ISL2: variants seen among roughly 807,000 people sequenced by gnomAD.
ISL2 encodes the protein insulin gene enhancer protein ISL-2.
Under a neutral mutation model 34.6 loss-of-function variants are expected in ISL2, and 17 were observed. The ratio of observed to expected loss-of-function variants is 0.49; its 90% CI spans 0.34 to 0.74. ISL2 has a LOEUF of 0.74. Ranked by LOEUF, ISL2 falls within the 30% of genes least tolerant of loss-of-function variation. The probability of loss-of-function intolerance (pLI) is 0.01; values close to 1 mark genes in which losing one functional copy is unlikely to be tolerated. For synonymous variants in ISL2, 232 were observed against 225.5 expected (o/e 1.03, Z -0.26); for missense variants, 469 against 515.2 (o/e 0.91, Z 0.87).
At chr15:76,341,665 C>T in intron 5 of ISL2, 54 bp from the exon 6 acceptor site, 10 of 1,308,186 alleles carry the variant, frequency 7.6e-6, no homozygotes, top group Non-Finnish European at 1.0e-5. Context: ...GGCCCTGGAG[C>T]ACCAGCTCGC....
chr15:76,337,773 G>A lies in ISL2; in HGVS notation c.59-5G>A, dbSNP rs759144157. 1.9e-6 allele frequency: 3 copies of A among 1,580,416 alleles called. No homozygotes were observed. Among genetic ancestry groups the A allele is most frequent in the Non-Finnish European group, 1.7e-6 (2 of 1,160,158 alleles). ...CTGACGCGGCCCCGCGCCCTTCCCC[G>A]GCAGAGAAGCCCGGGACGGCCATGT... On this transcript the variant is annotated splice_polypyrimidine_tract_variant and splice_region_variant and intron_variant, in intron 1 of 5. Coordinates refer to ENST00000290759, the MANE Select transcript of ISL2 (RefSeq NM_145805.3).
chr15:76,339,815 C>T lies in ISL2; in HGVS notation c.512-461C>T, dbSNP rs1371048083. 3.0e-6 allele frequency: 3 copies of T among 997,044 alleles called. No homozygotes were observed. The South Asian group carries it at 1.3e-4, about 45-fold the overall frequency. The allele number at this position is 997,044 out of a possible 1,614,324, so 61.8% of individuals were successfully genotyped here. ...GGCCCTCGTAGGCCCCCGGCATATT[C>T]GCACCTCCCACCCAGTCCCCTGGGC... On this transcript the variant is annotated intron_variant, in intron 3 of 5. Transcript: ENST00000290759.
At chr15:76,340,613 G>C (rs2040186649) in intron 4 of ISL2, 54 bp downstream of exon 4, 1 of 1,537,756 alleles carries the variant, frequency 6.5e-7, no homozygotes. Context: ...CGCTTCCGCC[G>C]CGGTATCTGC....
chr15:76,339,356 C>T, intron 3 of ISL2: 1 of 985,274 alleles, frequency 1.0e-6, no homozygotes, highest in Non-Finnish European at 1.2e-6. Context: ...TTTGTCCAGA[C>T]CTAGAAATTC....
intron 5 of ISL2, among the ~76,000 whole-genome samples, 194 bp from the exon 6 acceptor site, chr15:76,341,525 A>T (rs2040194182): frequency 6.6e-6 from 1 of 152,202 alleles, no homozygotes; most frequent in Non-Finnish European, 1.5e-5. Flanking sequence ...GAGAGGTCGC[A>T]GGATTAACCA....
At chr15:76,339,505 T>C (rs988099607) in intron 3 of ISL2, 22 of 985,408 alleles carry the variant, frequency 2.2e-5, no homozygotes, top group Non-Finnish European at 2.4e-5. Flanking sequence ...TCCCCTTTGT[T>C]TGTTTCGGGC....
At chr15:76,339,012 C>A in intron 3 of ISL2, 1 of 985,344 alleles carries the variant, frequency 1.0e-6, no homozygotes, top group Non-Finnish European at 1.2e-6. Context: ...TGTTTTGAGG[C>A]CCAGTTTGAT....
chr15:76,341,235 G>A lies in ISL2; in HGVS notation c.897G>A (p.Pro299=). 3 of 1,611,400 alleles carry A rather than the reference G, an allele frequency of 1.9e-6. No individual in the cohort carries two copies. The highest frequency in any genetic ancestry group is 2.5e-6 in the Non-Finnish European group (3 of 1,179,254). ...CAGTGGAGGTGCAGACGTACCAGCC[G>A]CCGTGGAAGGCGCTCAGCGAGTTTG... The part of the protein sequence containing the change: ...GSAVEVQTYQ[P]PWKALSEFAL... Residue 299 remains proline (P), a synonymous_variant, in exon 5 of 6, where the codon CCG becomes CCA. Coordinates refer to ENST00000290759, the MANE Select transcript of ISL2 (RefSeq NM_145805.3).
chr15:76,341,767 G>A lies in ISL2; in HGVS notation c.1012G>A (p.Val338Met). The change falls in exon 6 of 6, where the codon GTG becomes ATG. Residue 338 changes from valine to methionine, a missense_variant. Val to Met is a conservative substitution (Grantham distance 21, BLOSUM62 1). This residue lies in a region of ISL2 where 169 missense variants were observed against 154.2 expected (regional missense o/e 1.10). Transcript: ENST00000290759. ...CCTAGGCAACTCCTCCGGCAGCGAC[G>A]TGACCTCCCTGTCCTCGCAGCTCCC... The part of the protein sequence containing the change: ...GSLGNSSGSD[V>M]TSLSSQLPDT... 3 of 1,613,994 alleles carry A rather than the reference G, an allele frequency of 1.9e-6. No individual in the cohort carries two copies. Among genetic ancestry groups the A allele is most frequent in the African/African-American group, 1.3e-5 (1 of 75,050 alleles).
At chr15:76,337,576 G>A in intron 1 of ISL2, 1 of 475,278 alleles carries the variant, frequency 2.1e-6, no homozygotes, top group Non-Finnish European at 3.7e-6. Flanking sequence ...GGGGACAGAA[G>A]AAACCTTCAG....
At chr15:76,340,593 G>GT (rs771111695) in intron 4 of ISL2, 34 bp downstream of exon 4, 1 of 1,582,510 alleles carries the variant, frequency 6.3e-7, no homozygotes, top group Non-Finnish European at 8.6e-7. Context: ...CTCGAGTCGG[G>GT]TGGGGGCTGC....
intron 1 of ISL2, chr15:76,337,571 C>G (rs756011042): frequency 2.1e-5 from 10 of 469,790 alleles, no homozygotes; most frequent in Non-Finnish European, 3.4e-5. Flanking sequence ...GGGTGGGGGA[C>G]AGAAGAAACC....
chr15:76,341,412 A>T, intron 5 of ISL2, 111 bp downstream of exon 5: 1 of 713,888 alleles, frequency 1.4e-6, no homozygotes, highest in Non-Finnish European at 2.2e-6. Context: ...GGCTGGGTAC[A>T]GCCCTAGGCG....
Position 76,337,987 on chromosome 15 carries a change from G to T in ISL2, c.248+20G>T. 1 of 1,539,486 alleles carries T rather than the reference G, an allele frequency of 6.5e-7. No homozygotes were observed. The highest frequency in any genetic ancestry group is 8.8e-7 in the Non-Finnish European group (1 of 1,139,620). On this transcript the variant is annotated intron_variant, in intron 2 of 5. Transcript: ENST00000290759. ...TGTCAGGTGAGGCCGGCGGGAACGCGGGCTGGGCCACCGCGCGCAGGGGCC... is the reference window on the plus strand; with the variant it reads ...TGTCAGGTGAGGCCGGCGGGAACGCTGGCTGGGCCACCGCGCGCAGGGGCC...
Position 76,342,186 on chromosome 15 carries a change from A to C in ISL2, c.*351A>C. 5.5e-6 allele frequency: 1 copy of C among 183,096 alleles called. No individual in the cohort carries two copies. Among genetic ancestry groups the C allele is most frequent in the South Asian group, 1.7e-4 (1 of 5,894 alleles). The allele number at this position is 183,096 out of a possible 1,614,324, so 11.3% of individuals were successfully genotyped here. The stretch of plus-strand genomic sequence containing the variant: ...GCCGGCCCGGAGCTCGCCCACGCGG[A>C]CCCCCGCCCTGCCCCAGCTCAGCGC... On this transcript the variant is annotated 3_prime_UTR_variant, in exon 6 of 6. Coordinates refer to ENST00000290759, the MANE Select transcript of ISL2 (RefSeq NM_145805.3).
rs920623579 is a variant in ISL2 at position 76,341,450 on chromosome 15, C to A, written c.963+149C>A. The stretch of plus-strand genomic sequence containing the variant: ...GGGGGAGGGGGAACAGTGGCGGGCT[C>A]TGAAACCTCACCTCGGCCCATTACG... On this transcript the variant is annotated intron_variant, in intron 5 of 5. Transcript: ENST00000290759. 8 of 807,826 alleles carry A rather than the reference C, an allele frequency of 9.9e-6. No individual in the cohort carries two copies. The African/African-American group carries it at 1.2e-4, about 12-fold the overall frequency. The allele number at this position is 807,826 out of a possible 1,614,324, so 50.0% of individuals were successfully genotyped here.
chr15:76,342,026 C>G lies in ISL2; in HGVS notation c.*191C>G, dbSNP rs564406267. ...GATGCAACCTGCTTTCACCAGACTG[C>G]AGACCCCTGCTCCGAGGACTCTTAG... On this transcript the variant is annotated 3_prime_UTR_variant, in exon 6 of 6. Coordinates refer to ENST00000290759, the MANE Select transcript of ISL2 (RefSeq NM_145805.3). 2.9e-4 allele frequency: 170 copies of G among 580,666 alleles called. 2 individuals are homozygous for G. In the Middle Eastern group the frequency reaches 2.9e-3, roughly 10 times the overall value. The allele number at this position is 580,666 out of a possible 1,614,324, so 36.0% of individuals were successfully genotyped here. A position where few individuals can be genotyped will look rare whatever the true frequency, so the allele number is the denominator to read the frequency against.
chr15:76,338,791 GGAGCA>G lies in ISL2; in HGVS notation c.511+280_511+284del, dbSNP rs558945365. 139 of 985,436 alleles carry G rather than the reference GGAGCA, an allele frequency of 1.4e-4. No homozygotes were observed. The African/African-American group carries it at 2.2e-3, about 16-fold the overall frequency. The allele number at this position is 985,436 out of a possible 1,614,324, so 61.0% of individuals were successfully genotyped here. On this transcript the variant is annotated intron_variant, in intron 3 of 5. Transcript: ENST00000290759. ...CAGGAACATGCAGGGCACAGTGCTA[GGAGCA>G]GAAGAGTGGATGACAACAGGGAATC...
chr15:76,338,424 G>T lies in ISL2; in HGVS notation c.421G>T (p.Ala141Ser). The T allele has an allele frequency of 4.7e-6, 7 of 1,490,290 alleles. No homozygotes were observed. Among genetic ancestry groups the T allele is most frequent in the Non-Finnish European group, 6.2e-6 (7 of 1,127,314 alleles). 92.3% of individuals were successfully genotyped at this position (1,490,290 alleles called of 1,614,324 possible). The part of the protein sequence containing the change: ...SLREHELLCR[A>S]DHGLLLERAA... ...GCGGGAGCACGAGCTGCTCTGCCGCGCCGACCACGGCCTCCTGCTCGAGCG... is the reference window on the plus strand; with the variant it reads ...GCGGGAGCACGAGCTGCTCTGCCGCTCCGACCACGGCCTCCTGCTCGAGCG... The change falls in exon 3 of 6, where the codon GCC (alanine) becomes TCC (serine). Residue 141 changes from alanine (A) to serine (S), a missense_variant. This residue lies in a region of ISL2 where 297 missense variants were observed against 337.8 expected (regional missense o/e 0.88). Transcript: ENST00000290759.
Sources: gnomAD v4.1 joint callset for allele counts (sites outside exome capture counted in the v4.1 genomes callset) on GRCh38, gnomAD v4.1.1 for gene constraint, gnomAD v4.1.1 regional missense constraint, MANE v1.5 for transcripts, NCBI Gene and HGNC (gene_info 2026-07-23, HGNC 2026-07-21) for gene names.